CLEC16A: variants seen among roughly 807,000 people sequenced by gnomAD.
CLEC16A encodes the protein protein CLEC16A.
CLEC16A carries 51 observed loss-of-function variants against 109.5 expected under a neutral mutation model. The observed-to-expected ratio is 0.47, with a 90% CI of 0.37 to 0.59. CLEC16A has a LOEUF of 0.59. Among genes scored for constraint, CLEC16A ranks in the 20% least tolerant of loss-of-function variants. The pLI is 0.00. For synonymous variants in CLEC16A, 673 were observed against 564.2 expected, an observed-to-expected ratio of 1.19 and a Z score of -2.73; for missense variants, 1,339 against 1,394.0, an observed-to-expected ratio of 0.96 and a Z score of 0.63.
At chr16:11,145,134 C>A (rs4322688) in intron 22 of CLEC16A, among the ~76,000 whole-genome samples, 6 of 151,858 alleles carry the variant, frequency 4.0e-5, no homozygotes, top group African/African-American at 1.5e-4. Flanking sequence ...TGGGAATGGC[C>A]CCTGCTCCCG....
At chr16:11,155,016 G>A (rs963008043) in intron 22 of CLEC16A, among the ~76,000 whole-genome samples, 9 of 151,838 alleles carry the variant, frequency 5.9e-5, no homozygotes, top group Non-Finnish European at 1.0e-4. Context: ...CCAGCTACAC[G>A]GGAGGCTGAG....
intron 18 of CLEC16A, among the ~76,000 whole-genome samples, chr16:11,052,253 C>T (rs746164599): frequency 2.6e-5 from 4 of 152,146 alleles, no homozygotes; most frequent in Non-Finnish European, 5.9e-5. Flanking sequence ...ATCAGAGTTT[C>T]TTTCTTAGAA....
rs1294319742 is a variant in CLEC16A, at chr16:11,125,031, G to A, written c.2474-948G>A. Among the ~76,000 whole-genome samples, 3 of 152,282 alleles carry A rather than the reference G, an allele frequency of 2.0e-5. No homozygotes were observed. The East Asian group carries it at 5.8e-4, about 29-fold the overall frequency. On this transcript the variant is annotated intron_variant, in intron 21 of 23. Coordinates refer to ENST00000409790, the MANE Select transcript of CLEC16A (RefSeq NM_015226.3). ...TTGAGCCTGGGAGGTGGAGGTTACA[G>A]TGAGCCATGATTGCACCACTGCACT...
intron 2 of CLEC16A, 34 bp downstream of exon 2, chr16:10,957,944 A>G (rs764102254): frequency 5.5e-5 from 88 of 1,602,542 alleles, no homozygotes; most frequent in Non-Finnish European, 7.1e-5. Context: ...TTCTTTGATT[A>G]TTCTTCTTTG....
At chr16:11,127,921 C>T (rs2052943463) in intron 22 of CLEC16A, among the ~76,000 whole-genome samples, 1 of 152,116 alleles carries the variant, frequency 6.6e-6, no homozygotes, top group Non-Finnish European at 1.5e-5. Context: ...TGTGGCACCG[C>T]CTGTTTTCAG....
At position 11,047,567 on chromosome 16, in the gene CLEC16A, G is replaced by C. The variant is rs938275796; in HGVS notation, c.1866+225G>C. ...TGGGAGGTGTCCGATGAATCAGGAT[G>C]ATTCTCTGCTATGAATAGTAATTTT... On this transcript the variant is annotated intron_variant, in intron 17 of 23. Coordinates refer to ENST00000409790, the MANE Select transcript of CLEC16A (RefSeq NM_015226.3). 1.3e-4 allele frequency: 51 copies of C among 381,490 alleles called. 1 individual carries two copies. The South Asian group carries it at 2.3e-3, about 17-fold the overall frequency. The allele number at this position is 381,490 out of a possible 1,614,324, so 23.6% of individuals were successfully genotyped here.
chr16:11,143,176 G>A (rs887350726), intron 22 of CLEC16A, among the ~76,000 whole-genome samples: 2 of 152,202 alleles, frequency 1.3e-5, no homozygotes, highest in Non-Finnish European at 2.9e-5. Flanking sequence ...TTGGTGACCT[G>A]GTGAGCTTGC....
At chr16:10,987,163 A>G (rs2043719136) in intron 10 of CLEC16A, among the ~76,000 whole-genome samples, 1 of 150,826 alleles carries the variant, frequency 6.6e-6, no homozygotes, top group Non-Finnish European at 1.5e-5. Flanking sequence ...GCTTTTATGC[A>G]GTTTTTTTTT....
chr16:11,171,060 C>G (rs1013186713), intron 23 of CLEC16A, among the ~76,000 whole-genome samples: 1 of 152,228 alleles, frequency 6.6e-6, no homozygotes, highest in East Asian at 1.9e-4. Context: ...GCCCATCTCC[C>G]TGGGGTCTGC....
intron 3 of CLEC16A, 51 bp from the exon 4 acceptor site, chr16:10,969,109 CT>C: frequency 6.6e-7 from 1 of 1,510,528 alleles, no homozygotes; most frequent in Non-Finnish European, 9.0e-7. Context: ...TGTTACCTGG[CT>C]TATCTTTCCT....
chr16:11,005,708 G>A (rs889248306), intron 11 of CLEC16A, among the ~76,000 whole-genome samples: 3 of 152,136 alleles, frequency 2.0e-5, no homozygotes, highest in Admixed American at 6.5e-5. Context: ...CTCCTTAGAC[G>A]GTATCTGTGT....
At chr16:11,106,691 G>A (rs2051243624) in intron 19 of CLEC16A, among the ~76,000 whole-genome samples, 1 of 152,000 alleles carries the variant, frequency 6.6e-6, no homozygotes, top group South Asian at 2.1e-4. Context: ...TTAGAGGTGA[G>A]GAAGTGAATC....
intron 22 of CLEC16A, chr16:11,157,271 T>C: frequency 8.5e-7 from 1 of 1,174,760 alleles, no homozygotes; most frequent in Non-Finnish European, 1.1e-6. Flanking sequence ...GGGTCGCCCA[T>C]GGTGGCAGCT....
intron 2 of CLEC16A, among the ~76,000 whole-genome samples, chr16:10,960,262 A>G (rs2042193101): frequency 6.6e-6 from 1 of 151,992 alleles, no homozygotes; most frequent in Non-Finnish European, 1.5e-5. Flanking sequence ...CATCCCATCC[A>G]TGTTCCCATA....
At chr16:11,095,861 C>G (rs942304168) in intron 19 of CLEC16A, among the ~76,000 whole-genome samples, 1 of 149,728 alleles carries the variant, frequency 6.7e-6, no homozygotes, top group Admixed American at 6.7e-5. Context: ...GTAGCTGTAG[C>G]GTAAGATTGG....
chr16:10,998,422 C>T (rs751410682), intron 10 of CLEC16A, among the ~76,000 whole-genome samples: 6 of 152,196 alleles, frequency 3.9e-5, no homozygotes, highest in African/African-American at 9.7e-5. Context: ...GAGATGAGCG[C>T]GTGGTGAAAC....
chr16:11,023,591 A>G (rs2046243218), intron 12 of CLEC16A, among the ~76,000 whole-genome samples: 1 of 149,778 alleles, frequency 6.7e-6, no homozygotes, highest in Non-Finnish European at 1.5e-5. Flanking sequence ...TTGAAATGTT[A>G]TGACAAGTAC....
intron 7 of CLEC16A, among the ~76,000 whole-genome samples, chr16:10,976,464 C>T (rs764631529): frequency 4.6e-5 from 7 of 151,430 alleles, no homozygotes; most frequent in Admixed American, 1.3e-4. Context: ...GGTTATAAGT[C>T]CCAAAATGTT....
chr16:11,066,729 T>C (rs747769170), intron 19 of CLEC16A: 3 of 152,192 alleles, frequency 2.0e-5, no homozygotes, highest in Non-Finnish European at 4.4e-5. Flanking sequence ...TTAGATCATG[T>C]GGTGTGTAAG....
Sources: allele counts gnomAD v4.1 joint callset (sites outside exome capture counted in the v4.1 genomes callset), GRCh38; gene constraint gnomAD v4.1.1; transcripts MANE v1.5; gene names NCBI Gene and HGNC (gene_info 2026-07-23, HGNC 2026-07-21).